ENOX1: variants seen among roughly 807,000 people sequenced by gnomAD.
The protein encoded by ENOX1 is candidate growth-related and time keeping constitutive hydroquinone (NADH) oxidase.
Under a neutral mutation model 82.5 loss-of-function variants are expected in ENOX1, and 42 were observed. The ratio of observed to expected loss-of-function variants is 0.51; its 90% CI spans 0.40 to 0.66. The LOEUF is 0.66. ENOX1 is among the 30% of genes least tolerant of loss of function. The pLI is 0.00. For synonymous variants in ENOX1, 271 were observed against 282.2 expected, an observed-to-expected ratio of 0.96 and a Z score of 0.40; for missense variants, 608 against 811.6, an observed-to-expected ratio of 0.75 and a Z score of 3.05.
At chr13:43,671,738 A>G (rs887644288) in intron 1 of ENOX1, among the ~76,000 whole-genome samples, 1 of 152,122 alleles carries the variant, frequency 6.6e-6, no homozygotes, top group Non-Finnish European at 1.5e-5. Flanking sequence ...AAGAGGAGAC[A>G]TGACAAGTTG....
intron 1 of ENOX1, among the ~76,000 whole-genome samples, chr13:43,737,784 T>C (rs2153825153): frequency 6.6e-6 from 1 of 152,342 alleles, no homozygotes; most frequent in East Asian, 1.9e-4. Context: ...TGCATTTACC[T>C]TGACTTTTAT....
At chr13:43,215,433 A>G (rs946901161) in intron 16 of ENOX1, among the ~76,000 whole-genome samples, 12 of 152,242 alleles carry the variant, frequency 7.9e-5, no homozygotes, top group African/African-American at 2.2e-4. Context: ...AGCCTATGAG[A>G]CAGATTATGT....
At chr13:43,473,222 C>T (rs983347253) in intron 3 of ENOX1, among the ~76,000 whole-genome samples, 3 of 152,238 alleles carry the variant, frequency 2.0e-5, no homozygotes, top group African/African-American at 7.2e-5. Flanking sequence ...CATCCTTTGG[C>T]TTGTTGAATA....
In ENOX1 at chr13:43,479,941, T is replaced by A. The variant is rs1974005; in HGVS notation, c.-75+4068A>T. ...TTCTTTTATTTATTTTTATTTTTAT[T>A]TTTTTTTTTTTGAGACAGAGCTGTT... On this transcript the variant is annotated intron_variant, in intron 3 of 16. Coordinates refer to ENST00000690772, the MANE Select transcript of ENOX1 (RefSeq NM_001347969.2). 4.2e-4 allele frequency among the ~76,000 whole-genome samples: 52 copies of A among 125,028 alleles called. 1 individual carries two copies. The highest frequency in any genetic ancestry group is 1.4e-3 in the Admixed American group (18 of 12,538). The allele number at this position is 125,028 out of a possible 152,430, so 82.0% of individuals were successfully genotyped here.
At chr13:43,644,421 C>T (rs1430413261) in intron 2 of ENOX1, among the ~76,000 whole-genome samples, 2 of 152,092 alleles carry the variant, frequency 1.3e-5, no homozygotes, top group South Asian at 2.1e-4. Flanking sequence ...AATTTATGAG[C>T]TTTTGATATC....
chr13:43,377,945 G>T (rs2051759561), intron 5 of ENOX1, among the ~76,000 whole-genome samples: 1 of 152,146 alleles, frequency 6.6e-6, no homozygotes, highest in Non-Finnish European at 1.5e-5. Flanking sequence ...CATCTGTTCT[G>T]CTTGGTCAGT....
chr13:43,310,059 C>A (rs1566480111), intron 11 of ENOX1, among the ~76,000 whole-genome samples: 1 of 151,840 alleles, frequency 6.6e-6, no homozygotes, highest in Non-Finnish European at 1.5e-5. Flanking sequence ...AAAAATTAGC[C>A]AGGCGTGGTG....
chr13:43,769,477 C>A (rs1033932930), intron 1 of ENOX1, among the ~76,000 whole-genome samples: 70 of 152,192 alleles, frequency 4.6e-4, no homozygotes, highest in Non-Finnish European at 3.8e-4. Flanking sequence ...CAGTTGAGAG[C>A]AGAGAGTAAG....
intron 3 of ENOX1, among the ~76,000 whole-genome samples, chr13:43,435,617 T>C (rs375465211): frequency 1.3e-5 from 2 of 152,232 alleles, no homozygotes; most frequent in African/African-American, 4.8e-5. Flanking sequence ...CCTACATATT[T>C]CATTTCTATT....
chr13:43,304,229 G>T (rs116654135), intron 11 of ENOX1, among the ~76,000 whole-genome samples: 1 of 152,236 alleles, frequency 6.6e-6, no homozygotes, highest in Non-Finnish European at 1.5e-5. Flanking sequence ...AACAGTGGTA[G>T]TGACAGCTAA....
At chr13:43,721,376 C>A (rs1228396680) in intron 1 of ENOX1, among the ~76,000 whole-genome samples, 3 of 107,600 alleles carry the variant, frequency 2.8e-5, no homozygotes, top group East Asian at 5.5e-4. Flanking sequence ...TATTTTATAT[C>A]TTTTTTTTTT....
intron 3 of ENOX1, among the ~76,000 whole-genome samples, chr13:43,441,053 G>A (rs958371958): frequency 2.0e-5 from 3 of 151,990 alleles, no homozygotes; most frequent in Admixed American, 2.0e-4. Flanking sequence ...TAACCAGTAC[G>A]CTTCAAAAAT....
chr13:43,396,526 C>T (rs574669397), intron 5 of ENOX1, among the ~76,000 whole-genome samples: 7 of 152,258 alleles, frequency 4.6e-5, no homozygotes, highest in Admixed American at 6.5e-5. Context: ...ATTACAGACA[C>T]GCACCACCAT....
intron 5 of ENOX1, among the ~76,000 whole-genome samples, chr13:43,400,607 G>GTTA (rs2053441551): frequency 6.6e-6 from 1 of 152,170 alleles, no homozygotes; most frequent in African/African-American, 2.4e-5. Context: ...TCTACTTGAT[G>GTTA]TTACTAAGTT....
chr13:43,260,036 A>G lies in ENOX1; in HGVS notation c.1611+5362T>C, dbSNP rs542538854. ...TATTCTCTCTCACGCCTCCCTGCCT[A>G]AAGGGTGGAAGCTACATTCAGAAAC... is the stretch of plus-strand genomic sequence containing the variant. On this transcript the variant is annotated intron_variant, in intron 14 of 16. Coordinates refer to ENST00000690772, the MANE Select transcript of ENOX1 (RefSeq NM_001347969.2). Among the ~76,000 whole-genome samples the G allele has an allele frequency of 5.9e-5, 9 of 152,208 alleles. No homozygotes were observed. The South Asian group carries it at 1.5e-3, about 25-fold the overall frequency.
intron 5 of ENOX1, among the ~76,000 whole-genome samples, chr13:43,366,742 T>C (rs1052490873): frequency 6.6e-6 from 1 of 152,214 alleles, no homozygotes; most frequent in Non-Finnish European, 1.5e-5. Context: ...ATGCACTGGC[T>C]GTATGACTTT....
chr13:43,696,286 A>G (rs924415107), intron 1 of ENOX1, among the ~76,000 whole-genome samples: 3 of 152,178 alleles, frequency 2.0e-5, no homozygotes, highest in African/African-American at 7.2e-5. Context: ...GTATGGAAAT[A>G]TGTTTTCAGT....
intron 3 of ENOX1, among the ~76,000 whole-genome samples, 198 bp from the exon 4 acceptor site, chr13:43,413,186 G>C (rs1383781934): frequency 6.6e-6 from 1 of 152,102 alleles, no homozygotes; most frequent in African/African-American, 2.4e-5. Flanking sequence ...GAGATGTGTG[G>C]GTCAACTCAT....
chr13:43,620,155 T>A (rs1283909753), intron 2 of ENOX1, among the ~76,000 whole-genome samples: 1 of 152,140 alleles, frequency 6.6e-6, no homozygotes, highest in Non-Finnish European at 1.5e-5. Context: ...TCTTGATTAA[T>A]CTTGCCAATG....
Sources: allele counts gnomAD v4.1 joint callset (sites outside exome capture counted in the v4.1 genomes callset), GRCh38; gene constraint gnomAD v4.1.1; transcripts MANE v1.5; gene names NCBI Gene and HGNC (gene_info 2026-07-23, HGNC 2026-07-21).